PTPRN2: variants seen among roughly 807,000 people sequenced by gnomAD.
The protein encoded by PTPRN2 is receptor-type tyrosine-protein phosphatase N2.
In PTPRN2, 74 loss-of-function variants were observed where a neutral mutation model predicts 118.8. The observed-to-expected ratio is 0.62, with a 90% CI of 0.52 to 0.76. The LOEUF is 0.76. Ranked by LOEUF, PTPRN2 falls within the 30% of genes least tolerant of loss-of-function variation. The pLI is 0.00. For missense variants in PTPRN2, 1,481 were observed against 1,394.4 expected (o/e 1.06, Z -0.99); for synonymous variants, 641 against 608.0 (o/e 1.05, Z -0.80).
intron 12 of PTPRN2, among the ~76,000 whole-genome samples, chr7:157,848,304 GC>G (rs958728667): frequency 6.7e-6 from 1 of 149,398 alleles, no homozygotes; most frequent in Non-Finnish European, 1.5e-5. Context: ...CATCGTGTGT[GC>G]CTGATGTTTA....
intron 11 of PTPRN2, among the ~76,000 whole-genome samples, chr7:158,047,157 C>T (rs1274573563): frequency 3.3e-5 from 5 of 152,234 alleles, no homozygotes; most frequent in African/African-American, 1.2e-4. Context: ...GTGTGACACA[C>T]ACTGCTACTT....
chr7:157,798,006 C>T (rs866377841), intron 12 of PTPRN2, among the ~76,000 whole-genome samples: 1 of 152,326 alleles, frequency 6.6e-6, no homozygotes, highest in African/African-American at 2.4e-5. Context: ...TGCCTGTAAT[C>T]CCGGCACTTT....
chr7:158,035,366 T>C (rs1179916863), intron 11 of PTPRN2, among the ~76,000 whole-genome samples: 3 of 152,250 alleles, frequency 2.0e-5, no homozygotes, highest in East Asian at 3.9e-4. Flanking sequence ...TTTTGAAGCA[T>C]TAGTAAACGT....
intron 12 of PTPRN2, among the ~76,000 whole-genome samples, chr7:157,708,331 C>T (rs1033767440): frequency 9.9e-5 from 15 of 152,182 alleles, no homozygotes; most frequent in Non-Finnish European, 1.5e-5. Context: ...TGTCCCCTTA[C>T]GATTATCTCT....
Position 158,166,829 on chromosome 7 carries a change from G to A in PTPRN2, c.910+102C>T, listed in dbSNP as rs533693889. 4.5e-6 allele frequency: 6 copies of A among 1,343,664 alleles called. 1 individual carries two copies. In the South Asian group the frequency reaches 6.1e-5, roughly 14 times the overall value. The allele number at this position is 1,343,664 out of a possible 1,614,324, so 83.2% of individuals were successfully genotyped here. A position where few individuals can be genotyped will look rare whatever the true frequency, so the allele number is the denominator to read the frequency against. ...CCACGCGTCCTCGGGGGAGTGCGGT[G>A]TGCAGACCCCACGTGTGGGAAGAGC... On this transcript the variant is annotated intron_variant, in intron 6 of 22. Coordinates refer to ENST00000389418, the MANE Select transcript of PTPRN2 (RefSeq NM_002847.5).
intron 2 of PTPRN2, among the ~76,000 whole-genome samples, chr7:158,398,150 C>G (rs1030932855): frequency 2.0e-5 from 3 of 152,216 alleles, no homozygotes; most frequent in Non-Finnish European, 4.4e-5. Context: ...GACTAGCAAC[C>G]CGTCATTCAT....
intron 3 of PTPRN2, among the ~76,000 whole-genome samples, chr7:158,312,011 ACATTCACATGCT>A (rs1344044316): frequency 6.6e-6 from 1 of 151,624 alleles, no homozygotes; most frequent in Non-Finnish European, 1.5e-5. Context: ...ACACACCTGC[ACATTCACATGCT>A]CACGTGTAGA....
intron 2 of PTPRN2, among the ~76,000 whole-genome samples, chr7:158,441,280 T>A (rs1407618874): frequency 1.1e-5 from 1 of 91,418 alleles, no homozygotes; most frequent in Admixed American, 1.1e-4. Flanking sequence ...GTGATGGTGA[T>A]GGTGGTGGTG....
In PTPRN2 at chr7:158,474,101, G is replaced by A. The variant is rs537728888; in HGVS notation, c.163+15634C>T. 2.4e-4 allele frequency among the ~76,000 whole-genome samples: 37 copies of A among 152,306 alleles called. No individual in the cohort carries two copies. In the East Asian group the frequency reaches 2.7e-3, roughly 11 times the overall value. ...AATGAGGTCAGCCCTGGCGCTGGGC[G>A]GGTGCAGCACTGGCCCAGCCCCCGT... On this transcript the variant is annotated intron_variant, in intron 2 of 22. Coordinates refer to ENST00000389418, the MANE Select transcript of PTPRN2 (RefSeq NM_002847.5).
intron 3 of PTPRN2, among the ~76,000 whole-genome samples, chr7:158,220,853 A>G (rs182415331): frequency 1.4e-3 from 216 of 152,066 alleles, no homozygotes; most frequent in African/African-American, 4.5e-3. Context: ...ATTAGAAAAA[A>G]AAAAGAATTA....
chr7:157,582,745 G>A (rs1800462710), intron 17 of PTPRN2, among the ~76,000 whole-genome samples: 1 of 151,822 alleles, frequency 6.6e-6, no homozygotes, highest in Admixed American at 6.6e-5. Context: ...ATCGTGGCAT[G>A]CACCTGTAAT....
intron 2 of PTPRN2, among the ~76,000 whole-genome samples, chr7:158,395,591 T>C (rs867742130): frequency 4.7e-3 from 13 of 2,778 alleles, no homozygotes; most frequent in Admixed American, 0.014. Context: ...GGGCCAGGGG[T>C]GAGGGGTGAG....
At chr7:158,167,696 C>T (rs1236174593) in intron 5 of PTPRN2, among the ~76,000 whole-genome samples, 2 of 152,224 alleles carry the variant, frequency 1.3e-5, no homozygotes, top group Admixed American at 6.5e-5. Flanking sequence ...TGCTCATTCG[C>T]TTTCAGTCTC....
At chr7:158,528,111 T>C (rs1824926621) in intron 1 of PTPRN2, among the ~76,000 whole-genome samples, 1 of 152,216 alleles carries the variant, frequency 6.6e-6, no homozygotes, top group African/African-American at 2.4e-5. Flanking sequence ...AGTTGGTGTG[T>C]ACTAAGCAGT....
rs539725198 is a variant in PTPRN2 at position 158,472,006 on chromosome 7, G to T, written c.163+17729C>A. 5.8e-3 allele frequency among the ~76,000 whole-genome samples: 877 copies of T among 151,748 alleles called. 12 individuals carry two copies. Among genetic ancestry groups the T allele is most frequent in the African/African-American group, 0.02 (808 of 41,334 alleles). On this transcript the variant is annotated intron_variant, in intron 2 of 22. Coordinates refer to ENST00000389418, the MANE Select transcript of PTPRN2 (RefSeq NM_002847.5). ...ACGGTTCCGGCCCCGCCACGGTTCC[G>T]GCCTCGCCACGGTTCCTGCCCCACC...
intron 11 of PTPRN2, among the ~76,000 whole-genome samples, chr7:157,942,712 A>G (rs968728294): frequency 2.0e-5 from 3 of 151,898 alleles, no homozygotes; most frequent in Non-Finnish European, 2.9e-5. Flanking sequence ...TCACACCCCC[A>G]CAACCCTGTG....
At chr7:158,539,530 G>A (rs772828096) in intron 1 of PTPRN2, 10 of 155,550 alleles carry the variant, frequency 6.4e-5, no homozygotes, top group South Asian at 5.7e-4. Flanking sequence ...CAGGGAGCTC[G>A]AATGAGTGAC....
At chr7:158,543,316 AG>A (rs1826100920) in intron 1 of PTPRN2, among the ~76,000 whole-genome samples, 1 of 152,162 alleles carries the variant, frequency 6.6e-6, no homozygotes, top group Admixed American at 6.5e-5. Flanking sequence ...GAAGGCCCGG[AG>A]GGAAGCCGCC....
At chr7:157,846,063 C>T (rs1212009460) in intron 12 of PTPRN2, among the ~76,000 whole-genome samples, 1 of 152,086 alleles carries the variant, frequency 6.6e-6, no homozygotes, top group Non-Finnish European at 1.5e-5. Flanking sequence ...TCAAGAAACA[C>T]TATTAAAAAG....
Sources: allele counts gnomAD v4.1 joint callset (sites outside exome capture counted in the v4.1 genomes callset), GRCh38; gene constraint gnomAD v4.1.1; transcripts MANE v1.5; gene names NCBI Gene and HGNC (gene_info 2026-07-23, HGNC 2026-07-21).